Variants in TTF1 observed in about 807,000 individuals in gnomAD.
TTF1 encodes the protein transcription termination factor, RNA polymerase I.
Under a neutral mutation model 80.2 loss-of-function variants are expected in TTF1, and 64 were observed. That is an observed-to-expected ratio of 0.80 (90% CI 0.65 to 0.98). The LOEUF (loss-of-function observed/expected upper bound fraction) is 0.98, where lower values mean the gene tolerates loss of function less well. Ranked by LOEUF, TTF1 falls within the 50% of genes least tolerant of loss-of-function variation. The probability of loss-of-function intolerance (pLI) is 0.00; values close to 1 mark genes in which losing one functional copy is unlikely to be tolerated. For synonymous variants in TTF1, 372 were observed against 382.7 expected (o/e 0.97, Z 0.33); for missense variants, 1,023 against 1,086.2 (o/e 0.94, Z 0.82).
At position 132,398,088 on chromosome 9, in the gene TTF1, GTT is replaced by G. The variant is rs372785506; in HGVS notation, c.1777+51_1777+52del. On this transcript the variant is annotated intron_variant, in intron 4 of 10. Coordinates refer to ENST00000334270, the MANE Select transcript of TTF1 (RefSeq NM_007344.4). The stretch of plus-strand genomic sequence containing the variant: ...GCTAACACTTACCATGGGTTATCTT[GTT>G]TATGGCTGGAAGGCTGTGGATGGTC... 36 of 1,467,338 alleles carry G rather than the reference GTT, an allele frequency of 2.5e-5. No individual in the cohort carries two copies. The South Asian group carries it at 2.6e-4, about 10-fold the overall frequency. The allele number at this position is 1,467,338 out of a possible 1,614,324, so 90.9% of individuals were successfully genotyped here. A position where few individuals can be genotyped will look rare whatever the true frequency, so the allele number is the denominator to read the frequency against.
Position 132,401,822 on chromosome 9 carries a change from T to C in TTF1, c.1000A>G (p.Lys334Glu). Residue 334 changes from lysine to glutamate, a missense_variant, in exon 2 of 11, where the codon AAA becomes GAA. By Grantham distance (56) the Lys-to-Glu change is moderately conservative. Transcript: ENST00000334270. Reference protein sequence around the residue: ...PAPAYKNKSKKKKKKSNHQEF... With the variant: ...PAPAYKNKSKEKKKKSNHQEF... Reference sequence around the variant, plus strand: ...TGGTGATTGGACTTTTTCTTTTTTTTCTTAGACTTGTTTTTATAAGCAGGT... The same window carrying C: ...TGGTGATTGGACTTTTTCTTTTTTTCCTTAGACTTGTTTTTATAAGCAGGT... 1 of 1,614,138 alleles carries C rather than the reference T, an allele frequency of 6.2e-7. No individual in the cohort carries two copies. The highest frequency in any genetic ancestry group is 8.5e-7 in the Non-Finnish European group (1 of 1,180,034).
chr9:132,385,962 G>T (rs894786148), intron 9 of TTF1, among the ~76,000 whole-genome samples: 9 of 152,146 alleles, frequency 5.9e-5, no homozygotes, highest in Admixed American at 5.9e-4. Flanking sequence ...CTAGAAAAAT[G>T]CCTGGCATAT....
chr9:132,382,146 A>G (rs990048877), intron 9 of TTF1, among the ~76,000 whole-genome samples: 1 of 152,220 alleles, frequency 6.6e-6, no homozygotes, highest in Non-Finnish European at 1.5e-5. Context: ...AATCGCAGGA[A>G]CTGATTAAAA....
chr9:132,378,376 GGTGTGT>G (rs144084682), intron 10 of TTF1, among the ~76,000 whole-genome samples: 3 of 91,810 alleles, frequency 3.3e-5, no homozygotes, highest in South Asian at 8.5e-4. Flanking sequence ...GAATGCATGT[GGTGTGT>G]GTGAGTGCAT....
At chr9:132,395,856 C>T (rs1233460856) in intron 5 of TTF1, among the ~76,000 whole-genome samples, 2 of 152,182 alleles carry the variant, frequency 1.3e-5, no homozygotes, top group Admixed American at 6.5e-5. Context: ...GAGCAGAGTG[C>T]TAACGTGCTA....
chr9:132,398,116 A>G (rs1474710949), intron 4 of TTF1, 25 bp downstream of exon 4: 2 of 1,548,646 alleles, frequency 1.3e-6, no homozygotes, highest in Non-Finnish European at 8.7e-7. Context: ...GTGGATGGTC[A>G]AAGGGTGATT....
Position 132,397,185 on chromosome 9 carries a change from T to C in TTF1, c.1778-674A>G, listed in dbSNP as rs1467371640. 2.0e-5 allele frequency among the ~76,000 whole-genome samples: 3 copies of C among 152,176 alleles called. No homozygotes were observed. In the East Asian group the frequency reaches 5.8e-4, roughly 29 times the overall value. On this transcript the variant is annotated intron_variant, in intron 4 of 10. Transcript: ENST00000334270. ...AAGAGGCAAAGTAGTTTTAAGATAA[T>C]GTGAATTAAGAGGAAGAGAACACTG...
chr9:132,379,435 G>C (rs1451764856), intron 9 of TTF1, among the ~76,000 whole-genome samples: 1 of 152,176 alleles, frequency 6.6e-6, no homozygotes, highest in African/African-American at 2.4e-5. Context: ...AGTATAGAAG[G>C]CAAAGTATAA....
At chr9:132,394,264 T>C (rs1849607667) in intron 5 of TTF1, among the ~76,000 whole-genome samples, 1 of 151,786 alleles carries the variant, frequency 6.6e-6, no homozygotes, top group African/African-American at 2.4e-5. Context: ...GTATGGTGAA[T>C]AGAAACTGGT....
rs546380526 is a variant in TTF1 at position 132,377,810 on chromosome 9, TG to T, written c.2464+1248del. On this transcript the variant is annotated intron_variant, in intron 10 of 10. Transcript: ENST00000334270. ...GCATGTGGTGTGTGTGCATGTGGTGTGAGTGCATGTGGTGTGTGTGAATGCA... is the reference window on the plus strand; with the variant it reads ...GCATGTGGTGTGTGTGCATGTGGTGTAGTGCATGTGGTGTGTGTGAATGCA... Among the ~76,000 whole-genome samples, 316 of 125,450 alleles carry T rather than the reference TG, an allele frequency of 2.5e-3. 2 individuals carry two copies. Among genetic ancestry groups the T allele is most frequent in the African/African-American group, 9.7e-3 (305 of 31,534 alleles). 82.3% of individuals were successfully genotyped at this position (125,450 alleles called of 152,430 possible).
chr9:132,396,068 C>T (rs1305851434), intron 5 of TTF1, among the ~76,000 whole-genome samples: 1 of 152,222 alleles, frequency 6.6e-6, no homozygotes, highest in Non-Finnish European at 1.5e-5. Context: ...CCACAGCACT[C>T]TGCTAAGTGC....
At chr9:132,389,956 TTCTA>T (rs1420210859) in intron 7 of TTF1, among the ~76,000 whole-genome samples, 1 of 152,144 alleles carries the variant, frequency 6.6e-6, no homozygotes, top group African/African-American at 2.4e-5. Context: ...TATGTTAGTT[TTCTA>T]TCTTTTTTCT....
At chr9:132,393,279 C>CT (rs1403305639) in intron 5 of TTF1, among the ~76,000 whole-genome samples, 1 of 151,442 alleles carries the variant, frequency 6.6e-6, no homozygotes. Flanking sequence ...GCCCCCCCCG[C>CT]AAACTGGCCA....
At chr9:132,391,578 A>G (rs1475316597) in intron 6 of TTF1, among the ~76,000 whole-genome samples, 5 of 152,192 alleles carry the variant, frequency 3.3e-5, no homozygotes, top group African/African-American at 1.2e-4. Flanking sequence ...GCAAGGCACT[A>G]GCTGTGTGGC....
intron 6 of TTF1, among the ~76,000 whole-genome samples, chr9:132,391,831 G>A (rs1228817305): frequency 1.3e-5 from 2 of 152,204 alleles, no homozygotes; most frequent in Non-Finnish European, 2.9e-5. Flanking sequence ...TGGTCCACTT[G>A]GCAGTTATAT....
chr9:132,398,095 G>A, intron 4 of TTF1, 46 bp downstream of exon 4: 1 of 1,479,726 alleles, frequency 6.8e-7, no homozygotes, highest in Non-Finnish European at 9.0e-7. Flanking sequence ...CTTGTTTATG[G>A]CTGGAAGGCT....
At chr9:132,398,440 C>T in intron 3 of TTF1, 114 bp from the exon 4 acceptor site, 1 of 1,090,800 alleles carries the variant, frequency 9.2e-7, no homozygotes, top group Non-Finnish European at 1.3e-6. Flanking sequence ...AGTCCCAACA[C>T]CTGACATTCG....
intron 2 of TTF1, among the ~76,000 whole-genome samples, chr9:132,401,026 C>T (rs554136528): frequency 3.5e-4 from 53 of 152,232 alleles, no homozygotes; most frequent in African/African-American, 1.2e-3. Flanking sequence ...ATGATTTTTG[C>T]CATTTAATAT....
At position 132,379,128 on chromosome 9, in the gene TTF1, A is replaced by T; in HGVS notation, c.2395T>A (p.Tyr799Asn). 3 of 1,604,546 alleles carry T rather than the reference A, an allele frequency of 1.9e-6. No homozygotes were observed. The highest frequency in any genetic ancestry group is 2.5e-6 in the Non-Finnish European group (3 of 1,177,674). ...ASAIGDVPPS[Y>N]VQTKFSRLKA... is the part of the protein sequence containing the mutation. ...AGCCTAGAAAATTTAGTTTGAACGT[A>T]AGATGGAGGAACATCACTTTAGAAA... Residue 799 changes from tyrosine (Y) to asparagine (N), a missense_variant, in exon 10 of 11, where the codon TAC becomes AAC. By Grantham distance (143) the Tyr-to-Asn change is moderately radical (BLOSUM62 -2). Transcript: ENST00000334270.
Sources: allele counts gnomAD v4.1 joint callset (sites outside exome capture counted in the v4.1 genomes callset), GRCh38; gene constraint gnomAD v4.1.1; transcripts MANE v1.5; gene names NCBI Gene and HGNC (gene_info 2026-07-23, HGNC 2026-07-21).